CACNA1C: variants seen among roughly 807,000 people sequenced by gnomAD.
CACNA1C encodes the protein calcium voltage-gated channel subunit alpha1 C.
CACNA1C carries 30 observed loss-of-function variants against 229.0 expected under a neutral mutation model. The observed-to-expected ratio is 0.13, with a 90% confidence interval of 0.10 to 0.18. The LOEUF (loss-of-function observed/expected upper bound fraction) is 0.18. Ranked by LOEUF, CACNA1C falls within the 10% of genes least tolerant of loss-of-function variation. The pLI is 1.00. For missense variants in CACNA1C, 1,658 were observed against 2,845.0 expected, an observed-to-expected ratio of 0.58 and a Z score of 9.49; for synonymous variants, 1,114 against 1,132.5, an observed-to-expected ratio of 0.98 and a Z score of 0.33.
rs2080093998 is a variant in CACNA1C, at chr12:2,108,349, G to T, written c.50-6875G>T. On this transcript the variant is annotated intron_variant, in intron 1 of 46. Transcript: ENST00000399655. This position sits in a 1 kb window ranked among gnomAD's most constrained non-coding sequence, Gnocchi z 5.3. ...AACTGCGGTTCGGGTACAATTATGAGGCTGGGGGACCTGGAAGCCACTGTG... is the reference window on the plus strand; with the variant it reads ...AACTGCGGTTCGGGTACAATTATGATGCTGGGGGACCTGGAAGCCACTGTG... Among the ~76,000 whole-genome samples, 1 of 152,210 alleles carries T rather than the reference G, an allele frequency of 6.6e-6. No homozygotes were observed. The highest frequency in any genetic ancestry group is 2.4e-5 in the African/African-American group (1 of 41,444).
At position 2,696,768 on chromosome 12, in the gene CACNA1C, G is replaced by A. The variant is rs1015859616; in HGVS notation, c.*5569G>A. Reference sequence around the variant, plus strand: ...TAGAGATCTCAAGTTTATTACCAAGGGAATAAGGAAAAAAAGGTGAGCAGG... The same window carrying A: ...TAGAGATCTCAAGTTTATTACCAAGAGAATAAGGAAAAAAAGGTGAGCAGG... On this transcript the variant is annotated 3_prime_UTR_variant, in exon 47 of 47. Transcript: ENST00000399655. The A allele has an allele frequency of 1.3e-5, 2 of 152,078 alleles. No homozygotes were observed. The highest frequency in any genetic ancestry group is 4.8e-5 in the African/African-American group (2 of 41,406). The allele number at this position is 152,078 out of a possible 1,614,324, so 9.4% of individuals were successfully genotyped here.
chr12:2,201,812 G>A (rs564525869), intron 3 of CACNA1C, among the ~76,000 whole-genome samples: 77 of 152,268 alleles, frequency 5.1e-4, no homozygotes, highest in Middle Eastern at 3.4e-3. Flanking sequence ...ATGCTTCATT[G>A]GCCAGGGGCT....
rs116908621 is a variant in CACNA1C, at chr12:2,246,037, A to G, written c.477+125607A>G. Among the ~76,000 whole-genome samples the G allele has an allele frequency of 3.8e-4, 58 of 152,296 alleles. 1 individual carries two copies. In the East Asian group the frequency reaches 8.1e-3, roughly 21 times the overall value. On this transcript the variant is annotated intron_variant, in intron 3 of 46. Coordinates refer to ENST00000399655, the MANE Select transcript of CACNA1C (RefSeq NM_000719.7). The stretch of plus-strand genomic sequence containing the variant: ...AGTACCCTAACTTTGTGCGTGGTAC[A>G]CCCATGGTGGGATGGACATAGAACC...
At chr12:2,600,653 C>A (rs564652830) in intron 21 of CACNA1C, among the ~76,000 whole-genome samples, 1 of 152,332 alleles carries the variant, frequency 6.6e-6, no homozygotes, top group East Asian at 1.9e-4. Flanking sequence ...ACCTGCAGTG[C>A]GCAGCTTTAC....
intron 5 of CACNA1C, among the ~76,000 whole-genome samples, chr12:2,461,795 C>A (rs1190592293): frequency 6.6e-6 from 1 of 152,196 alleles, no homozygotes; most frequent in Non-Finnish European, 1.5e-5. Context: ...CCAAACATGT[C>A]AAGAATTTGT....
Position 2,634,211 on chromosome 12 carries a change from T to C in CACNA1C, c.3829-86T>C, listed in dbSNP as rs1603011709. On this transcript the variant is annotated intron_variant, in intron 29 of 46. Transcript: ENST00000399655. ...TTCCATACCTTTTTTTTTTTTTTTT[T>C]CATTTTTCCTCTTCCCTTTTGTTTT... The C allele has an allele frequency of 1.6e-5, 5 of 308,676 alleles. No homozygotes were observed. In the East Asian group the frequency reaches 1.7e-4, roughly 10 times the overall value. 19.1% of individuals were successfully genotyped at this position (308,676 alleles called of 1,614,324 possible).
At chr12:2,635,855 C>CATGTGTGTATGTGTGTGAGTGT (rs2092541270) in intron 30 of CACNA1C, among the ~76,000 whole-genome samples, 1 of 151,998 alleles carries the variant, frequency 6.6e-6, no homozygotes, top group Non-Finnish European at 1.5e-5. Flanking sequence ...AGCATGTGTG[C>CATGTGTGTATGTGTGTGAGTGT]ATGTGTGTAT....
In CACNA1C at chr12:2,429,196, G is replaced by A. The variant is rs186504649; in HGVS notation, c.478-19780G>A. Reference sequence around the variant, plus strand: ...CTTCTTATAAGGACATCAACATATTGGATTAGGGGCCCACAAACTCCAGGA... The same window carrying A: ...CTTCTTATAAGGACATCAACATATTAGATTAGGGGCCCACAAACTCCAGGA... On this transcript the variant is annotated intron_variant, in intron 3 of 46. Coordinates refer to ENST00000399655, the MANE Select transcript of CACNA1C (RefSeq NM_000719.7). Among the ~76,000 whole-genome samples, 837 of 152,074 alleles carry A rather than the reference G, an allele frequency of 5.5e-3. 15 individuals are homozygous for A. The highest frequency in any genetic ancestry group is 2.4e-3 in the Non-Finnish European group (160 of 67,980).
At chr12:2,265,516 T>G (rs1049838170) in intron 3 of CACNA1C, among the ~76,000 whole-genome samples, 1 of 152,180 alleles carries the variant, frequency 6.6e-6, no homozygotes, top group Non-Finnish European at 1.5e-5. Flanking sequence ...CCCTATCTCA[T>G]TCTCCTCCCA....
chr12:2,423,443 C>A (rs2098997602), intron 3 of CACNA1C, among the ~76,000 whole-genome samples: 2 of 152,170 alleles, frequency 1.3e-5, no homozygotes, highest in African/African-American at 4.8e-5. Flanking sequence ...CTCTCAGTGT[C>A]TCAGTACCTT....
chr12:2,106,825 C>G (rs2079010021), intron 1 of CACNA1C, among the ~76,000 whole-genome samples: 4 of 112,650 alleles, frequency 3.6e-5, no homozygotes, highest in African/African-American at 6.8e-5. Context: ...GTTTCCACCT[C>G]AGCTGGGCGT....
intron 7 of CACNA1C, among the ~76,000 whole-genome samples, chr12:2,502,568 G>A (rs965704845): frequency 2.0e-5 from 3 of 152,276 alleles, no homozygotes; most frequent in East Asian, 1.9e-4. Flanking sequence ...CCCCAGACAC[G>A]ATATTTGCAC....
At chr12:2,177,594 T>TCCCTCCCTCCC (rs1440751808) in intron 3 of CACNA1C, among the ~76,000 whole-genome samples, 1 of 59,898 alleles carries the variant, frequency 1.7e-5, no homozygotes, top group South Asian at 7.6e-4. Flanking sequence ...CCTCCCTTCC[T>TCCCTCCCTCCC]TCCTTCCTTC....
intron 1 of CACNA1C, among the ~76,000 whole-genome samples, chr12:2,045,050 G>A (rs1292656296): frequency 1.3e-5 from 2 of 152,200 alleles, no homozygotes; most frequent in Non-Finnish European, 2.9e-5. Context: ...CAGATTGAAT[G>A]CCAGCTGAAA....
rs147512350 is a variant in CACNA1C, at chr12:2,561,210, C to T, written c.1508+4233C>T. 2.2e-3 allele frequency among the ~76,000 whole-genome samples: 337 copies of T among 152,274 alleles called. 1 individual carries two copies. The highest frequency in any genetic ancestry group is 7.6e-3 in the African/African-American group (316 of 41,550). ...ATTCCTTCGTGGGTCTTGTGAGCTC[C>T]GCGGAGAGGCAGGAACCATACAAAT... On this transcript the variant is annotated intron_variant, in intron 11 of 46. Transcript: ENST00000399655.
At position 2,608,339 on chromosome 12, in the gene CACNA1C, G is replaced by T. The variant is rs215995; in HGVS notation, c.3357-172G>T. Among the ~76,000 whole-genome samples the T allele has an allele frequency of 0.2, 30,075 of 152,138 alleles. 3,101 individuals carry two copies. The highest frequency in any genetic ancestry group is 0.29 in the East Asian group (1,476 of 5,178). On this transcript the variant is annotated intron_variant, in intron 26 of 46. Coordinates refer to ENST00000399655, the MANE Select transcript of CACNA1C (RefSeq NM_000719.7). The surrounding 1 kb of genome is among the most constrained non-coding windows in gnomAD (Gnocchi z 4.2). ...GATGAAGAATCTGAGTCTCAGAGAG[G>T]TTAAACGCTTTGCCCAAGGTCACAC...
Position 2,605,013 on chromosome 12 carries a change from T to C in CACNA1C, c.2961-68T>C. On this transcript the variant is annotated intron_variant, in intron 22 of 46. Coordinates refer to ENST00000399655, the MANE Select transcript of CACNA1C (RefSeq NM_000719.7). This position sits in a 1 kb window ranked among gnomAD's most constrained non-coding sequence, Gnocchi z 6.2. Reference sequence around the variant, plus strand: ...GGATTCACCTGTCAGGACATTCCCTTACCACATTATTTTTGCTCCCCCCAG... The same window carrying C: ...GGATTCACCTGTCAGGACATTCCCTCACCACATTATTTTTGCTCCCCCCAG... 1 of 1,157,672 alleles carries C rather than the reference T, an allele frequency of 8.6e-7. No homozygotes were observed. Among genetic ancestry groups the C allele is most frequent in the Non-Finnish European group, 1.3e-6 (1 of 765,298 alleles). The allele number at this position is 1,157,672 out of a possible 1,614,324, so 71.7% of individuals were successfully genotyped here.
chr12:2,521,786 G>A (rs2099810484), intron 9 of CACNA1C, among the ~76,000 whole-genome samples: 1 of 152,038 alleles, frequency 6.6e-6, no homozygotes, highest in Admixed American at 6.6e-5. Context: ...CCACCTTGCT[G>A]CCCTGCCTTC....
intron 3 of CACNA1C, among the ~76,000 whole-genome samples, chr12:2,327,468 T>G (rs1307412634): frequency 1.3e-5 from 2 of 152,256 alleles, no homozygotes; most frequent in Non-Finnish European, 2.9e-5. Flanking sequence ...CTGGGCTTTC[T>G]TCCTGATTCT....
Sources: gnomAD v4.1 joint callset for allele counts (sites outside exome capture counted in the v4.1 genomes callset) on GRCh38, gnomAD v4.1.1 for gene constraint, Gnocchi (gnomAD v3.1) non-coding constraint, MANE v1.5 for transcripts, NCBI Gene and HGNC (gene_info 2026-07-23, HGNC 2026-07-21) for gene names.